Variants in EBF2 observed in about 807,000 individuals in gnomAD.
EBF2 encodes EBF transcription factor 2.
A neutral mutation model predicts 72.8 loss-of-function variants in EBF2; 21 were observed. The observed-to-expected ratio is 0.29, with a 90% CI of 0.20 to 0.42. The LOEUF (loss-of-function observed/expected upper bound fraction) is 0.42. EBF2 is among the 10% of genes least tolerant of loss of function. EBF2 has a pLI of 1.00. For missense variants in EBF2, 637 were observed against 731.2 expected (o/e 0.87, Z 1.49); for synonymous variants, 299 against 274.2 (o/e 1.09, Z -0.89).
intron 8 of EBF2, among the ~76,000 whole-genome samples, chr8:25,888,275 G>C (rs565236402): frequency 1.3e-5 from 2 of 152,150 alleles, no homozygotes; most frequent in Non-Finnish European, 2.9e-5. Context: ...AGAATTCTGC[G>C]GATGGGCTGC....
At chr8:25,881,622 TC>T (rs1199999822) in intron 10 of EBF2, among the ~76,000 whole-genome samples, 2 of 152,180 alleles carry the variant, frequency 1.3e-5, no homozygotes, top group African/African-American at 4.8e-5. Context: ...GAAGGCCTGG[TC>T]CCTGGCTAGG....
chr8:25,975,170 A>G (rs1047221015), intron 6 of EBF2, among the ~76,000 whole-genome samples: 1 of 152,212 alleles, frequency 6.6e-6, no homozygotes, highest in African/African-American at 2.4e-5. Context: ...TAACCCAGGA[A>G]CTACTGCGCT....
intron 10 of EBF2, among the ~76,000 whole-genome samples, chr8:25,880,799 T>C (rs1396980379): frequency 2.0e-5 from 3 of 152,204 alleles, no homozygotes; most frequent in Non-Finnish European, 4.4e-5. Context: ...TATTCATTAA[T>C]CGACATCTTT....
At chr8:25,925,541 C>G (rs1428284993) in intron 6 of EBF2, among the ~76,000 whole-genome samples, 1 of 152,198 alleles carries the variant, frequency 6.6e-6, no homozygotes, top group Non-Finnish European at 1.5e-5. Context: ...CACCCCCCAA[C>G]CCACCATCAC....
In EBF2 at chr8:25,932,408, C is replaced by T. The variant is rs949151449; in HGVS notation, c.552-23853G>A. On this transcript the variant is annotated intron_variant, in intron 6 of 15. Transcript: ENST00000520164. ...AAAAAAAAAAAGAACGGGCAGCGTA[C>T]GGGATGCTACTGAATCTGGAGCAGA... is the stretch of plus-strand genomic sequence containing the variant. Among the ~76,000 whole-genome samples, 8 of 151,130 alleles carry T rather than the reference C, an allele frequency of 5.3e-5. 1 individual carries two copies. The highest frequency in any genetic ancestry group is 4.0e-4 in the Admixed American group (6 of 15,172).
intron 6 of EBF2, among the ~76,000 whole-genome samples, chr8:25,979,052 T>C (rs933364009): frequency 6.6e-6 from 1 of 152,156 alleles, no homozygotes; most frequent in Admixed American, 6.5e-5. Context: ...ACACACACCC[T>C]TGTGAAGGAT....
Position 25,844,414 on chromosome 8 carries a change from G to C in EBF2, c.*195C>G. On this transcript the variant is annotated 3_prime_UTR_variant, in exon 16 of 16. Coordinates refer to ENST00000520164, the MANE Select transcript of EBF2 (RefSeq NM_022659.4). ...ACATCTTTTGTCCTTGTCCCAAGAG[G>C]GTCAGTTTGTGTAGCCACCATCAGA... The C allele has an allele frequency of 5.2e-6, 3 of 579,176 alleles. No individual in the cohort carries two copies. Among genetic ancestry groups the C allele is most frequent in the Non-Finnish European group, 9.2e-6 (3 of 324,900 alleles). The allele number at this position is 579,176 out of a possible 1,614,324, so 35.9% of individuals were successfully genotyped here. A position where few individuals can be genotyped will look rare whatever the true frequency, so the allele number is the denominator to read the frequency against.
At chr8:26,042,293 G>T (rs964603170) in intron 1 of EBF2, 42 bp from the exon 2 acceptor site, 12 of 1,577,832 alleles carry the variant, frequency 7.6e-6, no homozygotes, top group African/African-American at 5.4e-5. Flanking sequence ...ACACGGGGAA[G>T]CACAAAAAGG....
chr8:25,975,961 G>A (rs1248025085), intron 6 of EBF2, among the ~76,000 whole-genome samples: 1 of 152,114 alleles, frequency 6.6e-6, no homozygotes, highest in East Asian at 1.9e-4. Context: ...TCCAAACTAT[G>A]CTGCAATCTT....
Position 25,895,967 on chromosome 8 carries a change from T to C in EBF2, c.634-6098A>G, listed in dbSNP as rs977123635. Among the ~76,000 whole-genome samples, 6 of 151,912 alleles carry C rather than the reference T, an allele frequency of 3.9e-5. 1 individual carries two copies. Among genetic ancestry groups the C allele is most frequent in the Non-Finnish European group, 2.9e-5 (2 of 67,948 alleles). On this transcript the variant is annotated intron_variant, in intron 7 of 15. Transcript: ENST00000520164. ...TGTGTGTGTGTGTTTTAAGTACTTATCCTTCTCAAAACTCTAACTGTATGA... is the reference window on the plus strand; with the variant it reads ...TGTGTGTGTGTGTTTTAAGTACTTACCCTTCTCAAAACTCTAACTGTATGA...
At chr8:26,030,438 G>C (rs1362818111) in intron 6 of EBF2, among the ~76,000 whole-genome samples, 1 of 152,032 alleles carries the variant, frequency 6.6e-6, no homozygotes, top group Non-Finnish European at 1.5e-5. Context: ...GGTGGGGGAA[G>C]GGGGGAGGGA....
chr8:25,914,380 G>A (rs1251869878), intron 6 of EBF2, among the ~76,000 whole-genome samples: 1 of 152,220 alleles, frequency 6.6e-6, no homozygotes, highest in Non-Finnish European at 1.5e-5. Flanking sequence ...CCCTAGGGAA[G>A]GTGAAGGTTA....
At chr8:25,863,984 C>A (rs141069306) in intron 10 of EBF2, among the ~76,000 whole-genome samples, 2 of 152,074 alleles carry the variant, frequency 1.3e-5, no homozygotes, top group South Asian at 4.2e-4. Flanking sequence ...TAAATTCCTG[C>A]ATATTTTTCT....
At chr8:25,905,531 C>CTA (rs1201213402) in intron 7 of EBF2, among the ~76,000 whole-genome samples, 1 of 152,146 alleles carries the variant, frequency 6.6e-6, no homozygotes, top group Non-Finnish European at 1.5e-5. Context: ...TTGATACATG[C>CTA]TATCACATAG....
chr8:25,885,690 T>A (rs1455885010), intron 10 of EBF2, among the ~76,000 whole-genome samples: 9 of 152,288 alleles, frequency 5.9e-5, no homozygotes, highest in African/African-American at 2.2e-4. Flanking sequence ...GATTTTATAG[T>A]GGGTTCCCCT....
intron 6 of EBF2, among the ~76,000 whole-genome samples, chr8:26,031,174 A>G (rs2117255529): frequency 6.6e-6 from 1 of 152,250 alleles, no homozygotes; most frequent in Non-Finnish European, 1.5e-5. Context: ...TACCTTCTTA[A>G]AAGAGAAGCT....
chr8:25,871,757 C>G (rs577003620), intron 10 of EBF2, among the ~76,000 whole-genome samples: 1 of 152,288 alleles, frequency 6.6e-6, no homozygotes, highest in Admixed American at 6.5e-5. Flanking sequence ...AAACTTTCAT[C>G]AATACCTTGA....
chr8:25,917,188 T>C (rs549922937), intron 6 of EBF2, among the ~76,000 whole-genome samples: 1 of 137,870 alleles, frequency 7.3e-6, no homozygotes. Flanking sequence ...TTTGTGTGTT[T>C]GTGGTTTGGG....
At chr8:25,906,691 CAGG>C (rs1803038797) in intron 7 of EBF2, among the ~76,000 whole-genome samples, 2 of 152,028 alleles carry the variant, frequency 1.3e-5, no homozygotes, top group Admixed American at 1.3e-4. Flanking sequence ...TGCTTGAACC[CAGG>C]AGGAGGAGGT....
Sources: allele counts gnomAD v4.1 joint callset (sites outside exome capture counted in the v4.1 genomes callset), GRCh38; gene constraint gnomAD v4.1.1; transcripts MANE v1.5; gene names NCBI Gene and HGNC (gene_info 2026-07-23, HGNC 2026-07-21).